Variants in RYR1 observed in about 807,000 individuals in gnomAD.
The protein encoded by RYR1 is ryanodine receptor 1.
Under a neutral mutation model 583.5 loss-of-function variants are expected in RYR1, and 342 were observed. The observed-to-expected ratio is 0.59, with a 90% CI of 0.54 to 0.64. The LOEUF (loss-of-function observed/expected upper bound fraction) is 0.64, where lower values mean the gene tolerates loss of function less well. RYR1 is among the 30% of genes least tolerant of loss of function. RYR1 has a pLI of 0.00. For synonymous variants in RYR1, 2,791 were observed against 2,822.5 expected (o/e 0.99, Z 0.35); for missense variants, 6,032 against 6,917.2 (o/e 0.87, Z 4.54).
intron 101 of RYR1, among the ~76,000 whole-genome samples, chr19:38,580,725 G>A (rs958430119): frequency 1.3e-5 from 2 of 152,112 alleles, no homozygotes; most frequent in Non-Finnish European, 2.9e-5. Flanking sequence ...TTAGCTGGGT[G>A]TTGTGTTGTG....
chr19:38,435,608 T>C (rs1972391800), intron 1 of RYR1, among the ~76,000 whole-genome samples: 1 of 152,078 alleles, frequency 6.6e-6, no homozygotes, highest in Non-Finnish European at 1.5e-5. Context: ...TGGTGGTGCA[T>C]GCCTGTAATC....
intron 72 of RYR1, 178 bp from the exon 73 acceptor site, chr19:38,527,469 C>T: frequency 1.3e-6 from 1 of 770,230 alleles, no homozygotes; most frequent in Non-Finnish European, 2.1e-6. Flanking sequence ...GAGATCGCAC[C>T]ACTGCACTCC....
chr19:38,512,320 C>G lies in RYR1; in HGVS notation c.9309C>G (p.Ile3103Met), dbSNP rs773236495. 7 of 1,614,194 alleles carry G rather than the reference C, an allele frequency of 4.3e-6. No individual in the cohort carries two copies. The highest frequency in any genetic ancestry group is 4.2e-6 in the Non-Finnish European group (5 of 1,180,046). The stretch of plus-strand genomic sequence containing the variant: ...TCTTCGAGAGTGCCTCGGAGGACAT[C>G]GAGAAGATGGTGGAGAACCTGCGGC... ...RSFFESASED[I>M]EKMVENLRLG... is the part of the protein sequence containing the mutation. Residue 3103 changes from isoleucine (I) to methionine (M), a missense_variant, in exon 63 of 106, where the codon ATC becomes ATG. Ile to Met is a conservative substitution (Grantham distance 10, BLOSUM62 1). Coordinates refer to ENST00000359596, the MANE Select transcript of RYR1 (RefSeq NM_000540.3). The surrounding 1 kb of genome is among the most constrained non-coding windows in gnomAD (Gnocchi z 5.1).
intron 1 of RYR1, among the ~76,000 whole-genome samples, chr19:38,436,834 C>A (rs867388424): frequency 6.6e-6 from 1 of 152,046 alleles, no homozygotes; most frequent in African/African-American, 2.4e-5. Context: ...CACAGCCCCC[C>A]CAAACTGATT....
In RYR1 at chr19:38,496,074, T is replaced by A; in HGVS notation, c.6549-141T>A. 1 of 752,756 alleles carries A rather than the reference T, an allele frequency of 1.3e-6. No individual in the cohort carries two copies. Among genetic ancestry groups the A allele is most frequent in the South Asian group, 1.5e-5 (1 of 68,766 alleles). 46.6% of individuals were successfully genotyped at this position (752,756 alleles called of 1,614,324 possible). On this transcript the variant is annotated intron_variant, in intron 39 of 105. Transcript: ENST00000359596. This position sits in a 1 kb window ranked among gnomAD's most constrained non-coding sequence, Gnocchi z 4.8. ...CACCGCACCCGGCCAGCTGTAGGAA[T>A]TGAGTGAGTTCAGATCTGTAAAGGC...
At position 38,470,640 on chromosome 19, in the gene RYR1, G is replaced by A. The variant is rs549765429; in HGVS notation, c.3765+1127G>A. Among the ~76,000 whole-genome samples the A allele has an allele frequency of 2.6e-5, 4 of 152,012 alleles. No individual in the cohort carries two copies. The South Asian group carries it at 8.3e-4, about 32-fold the overall frequency. ...TGCCTGTAGTCCCAGCTACTCAAGA[G>A]GCTGAGGCAGGAGAATCACTTGAAC... On this transcript the variant is annotated intron_variant, in intron 27 of 105. Coordinates refer to ENST00000359596, the MANE Select transcript of RYR1 (RefSeq NM_000540.3).
rs772766400 is a variant in RYR1, at chr19:38,506,848, G to A, written c.8712G>A (p.Leu2904=). ...CCCCAGGCGGTGGGACCCACCCCCTGCTGGTCCCCTACGACACGCTCACGG... is the reference window on the plus strand; with the variant it reads ...CCCCAGGCGGTGGGACCCACCCCCTACTGGTCCCCTACGACACGCTCACGG... ...LEAKGGGTHP[L]LVPYDTLTAK... is the part of the protein sequence containing the mutation. Residue 2904 remains leucine (L), a synonymous_variant, in exon 57 of 106, where the codon CTG becomes CTA. Coordinates refer to ENST00000359596, the MANE Select transcript of RYR1 (RefSeq NM_000540.3). 1 of 1,614,058 alleles carries A rather than the reference G, an allele frequency of 6.2e-7. No individual in the cohort carries two copies. The highest frequency in any genetic ancestry group is 1.7e-5 in the Admixed American group (1 of 60,014).
In RYR1 at chr19:38,494,517, C is replaced by T. The variant is rs2145578129; in HGVS notation, c.6440C>T (p.Ser2147Phe). ...CCGCGGGCGTACACCATCTCACCGT[C>T]CTCCGTGGAAGACACCATGAGCCTG... is the stretch of plus-strand genomic sequence containing the variant. ...ALPRAYTISP[S>F]SVEDTMSLLE... Residue 2147 changes from serine to phenylalanine, a missense_variant, in exon 39 of 106, where the codon TCC becomes TTC. This residue lies in a region of RYR1 where 2,627 missense variants were observed against 2,961.3 expected (regional missense o/e 0.89). Coordinates refer to ENST00000359596, the MANE Select transcript of RYR1 (RefSeq NM_000540.3). 6.2e-7 allele frequency: 1 copy of T among 1,613,870 alleles called. No individual in the cohort carries two copies. Among genetic ancestry groups the T allele is most frequent in the Non-Finnish European group, 8.5e-7 (1 of 1,180,026 alleles).
At chr19:38,552,326 C>T (rs927322764) in intron 89 of RYR1, among the ~76,000 whole-genome samples, 1 of 151,680 alleles carries the variant, frequency 6.6e-6, no homozygotes, top group African/African-American at 2.4e-5. Context: ...GTGATCTCGG[C>T]TCACTGCAAA....
At chr19:38,475,193 C>G (rs1325342955) in intron 28 of RYR1, 125 bp from the exon 29 acceptor site, 1 of 1,332,052 alleles carries the variant, frequency 7.5e-7, no homozygotes, top group African/African-American at 1.5e-5. Flanking sequence ...ATCCAGCCCT[C>G]TAGAGGCAAG....
chr19:38,529,809 A>G (rs1352136455), intron 76 of RYR1, among the ~76,000 whole-genome samples: 2 of 152,138 alleles, frequency 1.3e-5, no homozygotes, highest in Non-Finnish European at 2.9e-5. Context: ...GCTGCTGCTG[A>G]CAGTAGCAGG....
chr19:38,434,233 C>T (rs1972325384), intron 1 of RYR1, among the ~76,000 whole-genome samples: 1 of 151,970 alleles, frequency 6.6e-6, no homozygotes, highest in Admixed American at 6.6e-5. Context: ...AGCCATCCCC[C>T]CACCCCCACC....
chr19:38,489,293 TGAGGAGGAGAAG>T lies in RYR1; in HGVS notation c.5673_5684del (p.Glu1891_Glu1894del). 6.2e-7 allele frequency: 1 copy of T among 1,601,590 alleles called. No individual in the cohort carries two copies. ...AGGAGGAAGAGGGTGAAGAGGAAGA[TGAGGAGGAGAAG>T]GAGGAGGATGAGGAGGAAACAGCAC... On this transcript the variant is annotated inframe_deletion, in exon 35 of 106. Transcript: ENST00000359596.
At chr19:38,498,304 G>C (rs952336681) in intron 42 of RYR1, among the ~76,000 whole-genome samples, 2 of 152,266 alleles carry the variant, frequency 1.3e-5, no homozygotes, top group East Asian at 1.9e-4. Flanking sequence ...TGACTCAGGT[G>C]TTCACAGGGT....
intron 89 of RYR1, among the ~76,000 whole-genome samples, chr19:38,553,265 G>T (rs1283001347): frequency 6.6e-6 from 1 of 151,086 alleles, no homozygotes; most frequent in Non-Finnish European, 1.5e-5. Context: ...AGCCTGGGAG[G>T]CAGAGATTGC....
At position 38,526,977 on chromosome 19, in the gene RYR1, G is replaced by C; in HGVS notation, c.10627-16G>C. The C allele has an allele frequency of 6.2e-7, 1 of 1,613,690 alleles. No homozygotes were observed. The highest frequency in any genetic ancestry group is 8.5e-7 in the Non-Finnish European group (1 of 1,179,702). ...TGGGACCTCCAGAGTGACCCAGCCT[G>C]GCTCTGTCTCCCCAGAAAGACACAG... On this transcript the variant is annotated splice_polypyrimidine_tract_variant and intron_variant, in intron 71 of 105. Coordinates refer to ENST00000359596, the MANE Select transcript of RYR1 (RefSeq NM_000540.3).
rs61750975 is a variant in RYR1, at chr19:38,489,194, C to T, written c.5565C>T (p.Gly1855=). ...TCCTGTAGGTGATGGGCATCTTTGGCGATGAGGATGTGAAACAGATCTTGA... is the reference window on the plus strand; with the variant it reads ...TCCTGTAGGTGATGGGCATCTTTGGTGATGAGGATGTGAAACAGATCTTGA... ...VSTLLVMGIF[G]DEDVKQILKM... The change falls in exon 35 of 106, where the codon GGC becomes GGT. Residue 1855 remains glycine, a synonymous_variant. Transcript: ENST00000359596. 9.5e-4 allele frequency: 1,534 copies of T among 1,613,782 alleles called. 13 individuals are homozygous for T. In the African/African-American group the frequency reaches 0.017, roughly 18 times the overall value.
intron 1 of RYR1, among the ~76,000 whole-genome samples, chr19:38,435,204 A>C (rs1972373319): frequency 6.6e-6 from 1 of 152,110 alleles, no homozygotes; most frequent in Non-Finnish European, 1.5e-5. Flanking sequence ...TCCCTGACAG[A>C]TTTGAGGGAA....
At chr19:38,468,025 T>TCATCCATC (rs67434030) in intron 25 of RYR1, 3 of 482,920 alleles carry the variant, frequency 6.2e-6, no homozygotes, top group South Asian at 4.8e-5. Context: ...AACCAACAAT[T>TCATCCATC]CATCCATCCA....
Sources: gnomAD v4.1 joint callset for allele counts (sites outside exome capture counted in the v4.1 genomes callset) on GRCh38, gnomAD v4.1.1 for gene constraint, gnomAD v4.1.1 regional missense constraint, Gnocchi (gnomAD v3.1) non-coding constraint, MANE v1.5 for transcripts, NCBI Gene and HGNC (gene_info 2026-07-23, HGNC 2026-07-21) for gene names.